The following ITFG1 variants were observed in gnomAD, a reference collection of about 807,000 sequenced individuals.
The protein encoded by ITFG1 is T-cell immunomodulatory protein.
Under a neutral mutation model 81.8 loss-of-function variants are expected in ITFG1, and 34 were observed. The ratio of observed to expected loss-of-function variants is 0.42; its 90% CI spans 0.32 to 0.55. ITFG1 has a LOEUF of 0.55. Ranked by LOEUF, ITFG1 falls within the 20% of genes least tolerant of loss-of-function variation. The pLI is 0.17. For synonymous variants in ITFG1, 285 were observed against 270.6 expected (o/e 1.05, Z -0.52); for missense variants, 672 against 755.4 (o/e 0.89, Z 1.29).
intron 6 of ITFG1, among the ~76,000 whole-genome samples, chr16:47,388,518 A>C (rs1968490958): frequency 6.6e-6 from 1 of 152,306 alleles, no homozygotes; most frequent in African/African-American, 2.4e-5. Flanking sequence ...TCTCATCAGA[A>C]ACAATGAAGA....
chr16:47,197,859 CTTT>C (rs944817520), intron 14 of ITFG1, among the ~76,000 whole-genome samples: 2 of 152,168 alleles, frequency 1.3e-5, no homozygotes, highest in African/African-American at 4.8e-5. Flanking sequence ...GTGAGGGGAT[CTTT>C]TTTGTTTCTT....
intron 7 of ITFG1, among the ~76,000 whole-genome samples, chr16:47,371,947 T>G (rs1390501602): frequency 6.6e-6 from 1 of 151,086 alleles, no homozygotes; most frequent in African/African-American, 2.4e-5. Context: ...AGAGTCTCGC[T>G]CTTTCACCCA....
At chr16:47,185,416 C>T (rs1356791262) in intron 14 of ITFG1, among the ~76,000 whole-genome samples, 1 of 152,200 alleles carries the variant, frequency 6.6e-6, no homozygotes, top group Non-Finnish European at 1.5e-5. Context: ...AACTGTCTCT[C>T]AGACAAAGTG....
At chr16:47,190,315 C>T (rs1341373002) in intron 14 of ITFG1, among the ~76,000 whole-genome samples, 3 of 151,788 alleles carry the variant, frequency 2.0e-5, no homozygotes, top group Non-Finnish European at 2.9e-5. Flanking sequence ...TTTTTAGTCC[C>T]AAGTTGCAAG....
chr16:47,459,288 T>C, intron 1 of ITFG1, 113 bp from the exon 2 acceptor site: 1 of 681,192 alleles, frequency 1.5e-6, no homozygotes, highest in Admixed American at 2.2e-5. Context: ...TTTATTCTAC[T>C]CCAGTTCATC....
intron 14 of ITFG1, among the ~76,000 whole-genome samples, chr16:47,199,383 A>C (rs1463806263): frequency 6.6e-6 from 1 of 152,166 alleles, no homozygotes; most frequent in Non-Finnish European, 1.5e-5. Context: ...CTTCATATTC[A>C]CTCAAGACTC....
chr16:47,361,070 T>C (rs923920749), intron 8 of ITFG1, among the ~76,000 whole-genome samples: 1 of 152,198 alleles, frequency 6.6e-6, no homozygotes, highest in African/African-American at 2.4e-5. Context: ...GAATGACAGT[T>C]TTCCATTTTC....
intron 8 of ITFG1, among the ~76,000 whole-genome samples, chr16:47,359,620 C>T (rs995821732): frequency 6.6e-6 from 1 of 152,172 alleles, no homozygotes; most frequent in African/African-American, 2.4e-5. Context: ...GAATAAAATC[C>T]AAACTCCTTG....
intron 5 of ITFG1, among the ~76,000 whole-genome samples, chr16:47,433,997 G>C (rs193160391): frequency 6.8e-6 from 1 of 147,560 alleles, no homozygotes; most frequent in Non-Finnish European, 1.5e-5. Flanking sequence ...TTTGGAACTG[G>C]CTAGCCATAT....
At chr16:47,291,046 C>T (rs2151554672) in intron 10 of ITFG1, among the ~76,000 whole-genome samples, 1 of 152,164 alleles carries the variant, frequency 6.6e-6, no homozygotes, top group Non-Finnish European at 1.5e-5. Context: ...ACTACCTTGA[C>T]TATTTCTTGT....
intron 6 of ITFG1, among the ~76,000 whole-genome samples, chr16:47,409,468 T>A (rs1344291770): frequency 8.1e-6 from 1 of 124,192 alleles, no homozygotes; most frequent in Non-Finnish European, 1.6e-5. Flanking sequence ...CAGGCTGGCG[T>A]GCAGTGGCAC....
At chr16:47,440,826 T>C (rs1295982456) in intron 5 of ITFG1, among the ~76,000 whole-genome samples, 1 of 151,750 alleles carries the variant, frequency 6.6e-6, no homozygotes, top group Non-Finnish European at 1.5e-5. Flanking sequence ...AGGCAAGAAA[T>C]AACTAAGATC....
At chr16:47,349,611 G>A (rs568493377) in intron 8 of ITFG1, among the ~76,000 whole-genome samples, 1 of 152,168 alleles carries the variant, frequency 6.6e-6, no homozygotes, top group Admixed American at 6.5e-5. Flanking sequence ...AATAATAATG[G>A]GAGACTTTAA....
intron 2 of ITFG1, among the ~76,000 whole-genome samples, chr16:47,455,576 C>CT (rs1211360001): frequency 1.3e-5 from 2 of 151,466 alleles, no homozygotes; most frequent in African/African-American, 4.8e-5. Flanking sequence ...TGAGACCAGC[C>CT]TGGCCAACAT....
intron 12 of ITFG1, among the ~76,000 whole-genome samples, chr16:47,243,006 GTTTA>G (rs954651480): frequency 6.6e-6 from 1 of 151,966 alleles, no homozygotes; most frequent in Non-Finnish European, 1.5e-5. Flanking sequence ...TCAATAAAAT[GTTTA>G]TTTAAAAATA....
At chr16:47,185,786 A>G (rs1390305474) in intron 14 of ITFG1, among the ~76,000 whole-genome samples, 2 of 152,258 alleles carry the variant, frequency 1.3e-5, no homozygotes, top group African/African-American at 4.8e-5. Context: ...AAATAGGGAC[A>G]CAAAAAACCC....
At chr16:47,222,362 A>G (rs954862287) in intron 13 of ITFG1, among the ~76,000 whole-genome samples, 1 of 149,684 alleles carries the variant, frequency 6.7e-6, no homozygotes, top group East Asian at 1.9e-4. Flanking sequence ...GTCATTCAGG[A>G]GCAGGTTGTT....
intron 14 of ITFG1, among the ~76,000 whole-genome samples, chr16:47,201,240 G>A (rs1403149985): frequency 2.1e-5 from 3 of 142,732 alleles, no homozygotes; most frequent in Non-Finnish European, 4.5e-5. Context: ...ACGGAGTCTC[G>A]CTCTGTTGCC....
chr16:47,275,585 A>C (rs559203826), intron 10 of ITFG1, among the ~76,000 whole-genome samples: 6 of 152,178 alleles, frequency 3.9e-5, no homozygotes, highest in South Asian at 2.1e-4. Context: ...TTTTTCACCA[A>C]CTGTAGAGGT....
Sources: gnomAD v4.1 joint callset for allele counts (sites outside exome capture counted in the v4.1 genomes callset) on GRCh38, gnomAD v4.1.1 for gene constraint, MANE v1.5 for transcripts, NCBI Gene and HGNC (gene_info 2026-07-23, HGNC 2026-07-21) for gene names.